Variants in ATXN10 observed in about 807,000 individuals in gnomAD.
ATXN10 encodes ataxin-10.
A neutral mutation model predicts 52.9 loss-of-function variants in ATXN10; 28 were observed. The ratio of observed to expected loss-of-function variants is 0.53; its 90% confidence interval spans 0.39 to 0.73. The LOEUF (loss-of-function observed/expected upper bound fraction) is 0.73. Ranked by LOEUF, ATXN10 falls within the 30% of genes least tolerant of loss-of-function variation. The pLI is 0.00. For missense variants in ATXN10, 565 were observed against 577.0 expected, an observed-to-expected ratio of 0.98 and a Z score of 0.21; for synonymous variants, 226 against 221.5, an observed-to-expected ratio of 1.02 and a Z score of -0.18.
chr22:45,702,347 G>A (rs1397967466), intron 4 of ATXN10, among the ~76,000 whole-genome samples: 1 of 151,982 alleles, frequency 6.6e-6, no homozygotes, highest in Non-Finnish European at 1.5e-5. Context: ...CAGTCATTGA[G>A]GTATCATTTT....
chr22:45,675,925 T>G (rs1458680260), intron 1 of ATXN10: 2 of 152,224 alleles, frequency 1.3e-5, no homozygotes, highest in African/African-American at 4.8e-5. Flanking sequence ...CTGTTTCTTC[T>G]CTGTGTAAGA....
At chr22:45,777,773 G>C (rs1266777995) in intron 9 of ATXN10, among the ~76,000 whole-genome samples, 1 of 152,220 alleles carries the variant, frequency 6.6e-6, no homozygotes, top group Non-Finnish European at 1.5e-5. Context: ...CTAGCTGCCT[G>C]CTGGAGTCAT....
intron 7 of ATXN10, among the ~76,000 whole-genome samples, chr22:45,735,283 T>C (rs759649023): frequency 6.6e-6 from 1 of 151,988 alleles, no homozygotes; most frequent in African/African-American, 2.4e-5. Flanking sequence ...AATAATCTTA[T>C]CCTTTCCACT....
At chr22:45,791,546 AT>A (rs1436505408) in intron 9 of ATXN10, among the ~76,000 whole-genome samples, 24 of 152,282 alleles carry the variant, frequency 1.6e-4, no homozygotes, top group African/African-American at 5.3e-4. Flanking sequence ...GTGATGGTTG[AT>A]ATTATTATGA....
intron 9 of ATXN10, among the ~76,000 whole-genome samples, chr22:45,788,386 A>G (rs1268409593): frequency 6.6e-6 from 1 of 151,190 alleles, no homozygotes; most frequent in African/African-American, 2.4e-5. Flanking sequence ...AGAATCTTCC[A>G]GTTGTTTCTT....
At position 45,681,582 on chromosome 22, in the gene ATXN10, C is replaced by CT. The variant is rs1470204245; in HGVS notation, c.117-8127dup. Among the ~76,000 whole-genome samples the CT allele has an allele frequency of 6.6e-6, 1 of 152,154 alleles. No individual in the cohort carries two copies. Among genetic ancestry groups the CT allele is most frequent in the Non-Finnish European group, 1.5e-5 (1 of 68,032 alleles). ...TCAACTCCACTGCCTCCTCTCTAAA[C>CT]TTTGTTATGTTTGCCTGGTAAAACT... On this transcript the variant is annotated intron_variant, in intron 1 of 11. Coordinates refer to ENST00000252934, the MANE Select transcript of ATXN10 (RefSeq NM_013236.4). This position sits in a 1 kb window ranked among gnomAD's most constrained non-coding sequence, Gnocchi z 4.2.
At chr22:45,739,651 G>A (rs1325656240) in intron 8 of ATXN10, among the ~76,000 whole-genome samples, 8 of 152,202 alleles carry the variant, frequency 5.3e-5, no homozygotes, top group Non-Finnish European at 1.2e-4. Flanking sequence ...GTCGATGTGG[G>A]TTGCCATCCC....
At chr22:45,813,495 A>C (rs1026631801) in intron 10 of ATXN10, among the ~76,000 whole-genome samples, 12 of 150,700 alleles carry the variant, frequency 8.0e-5, no homozygotes, top group Non-Finnish European at 1.8e-4. Context: ...TTGTAAGAAA[A>C]CAAAATTCAC....
chr22:45,746,974 G>A (rs1190023460), intron 9 of ATXN10, among the ~76,000 whole-genome samples: 3 of 152,070 alleles, frequency 2.0e-5, no homozygotes, highest in East Asian at 1.9e-4. Flanking sequence ...CACTTTATTT[G>A]GGTATCACTC....
intron 10 of ATXN10, among the ~76,000 whole-genome samples, chr22:45,836,708 A>G (rs529634876): frequency 1.1e-4 from 17 of 152,240 alleles, no homozygotes; most frequent in Non-Finnish European, 1.8e-4. Context: ...AGAAATTGGC[A>G]TATTTTAAAG....
In ATXN10 at chr22:45,843,799, G is replaced by C; in HGVS notation, c.*128G>C. On this transcript the variant is annotated 3_prime_UTR_variant, in exon 12 of 12. Coordinates refer to ENST00000252934, the MANE Select transcript of ATXN10 (RefSeq NM_013236.4). This position sits in a 1 kb window ranked among gnomAD's most constrained non-coding sequence, Gnocchi z 4.5. ...ATTTGGGAACATACAAATCTTTTAG[G>C]TAGTAGAGTTTAACGTGTATAAGCT... is the stretch of plus-strand genomic sequence containing the variant. The C allele has an allele frequency of 1.1e-6, 1 of 894,472 alleles. No individual in the cohort carries two copies. Among genetic ancestry groups the C allele is most frequent in the South Asian group, 1.5e-5 (1 of 67,952 alleles). The allele number at this position is 894,472 out of a possible 1,614,324, so 55.4% of individuals were successfully genotyped here. A position where few individuals can be genotyped will look rare whatever the true frequency, so the allele number is the denominator to read the frequency against.
intron 5 of ATXN10, among the ~76,000 whole-genome samples, chr22:45,704,519 A>G (rs1309751213): frequency 6.6e-6 from 1 of 152,058 alleles, no homozygotes; most frequent in African/African-American, 2.4e-5. Flanking sequence ...GTTTATTCTA[A>G]GTATTTTATT....
At chr22:45,761,799 T>A (rs1926400663) in intron 9 of ATXN10, among the ~76,000 whole-genome samples, 1 of 152,248 alleles carries the variant, frequency 6.6e-6, no homozygotes, top group African/African-American at 2.4e-5. Flanking sequence ...ATTAAAATTT[T>A]AAAAAATTAG....
rs543787079 is a variant in ATXN10 at position 45,805,032 on chromosome 22, C to T, written c.1174-1927C>T. Among the ~76,000 whole-genome samples the T allele has an allele frequency of 6.6e-6, 1 of 152,334 alleles. No individual in the cohort carries two copies. Among genetic ancestry groups the T allele is most frequent in the South Asian group, 2.1e-4 (1 of 4,828 alleles). Reference sequence around the variant, plus strand: ...CTCACATTCACAGCCATATAGCAGTCTACTGTGTTTGTACCGTAGTTTATG... The same window carrying T: ...CTCACATTCACAGCCATATAGCAGTTTACTGTGTTTGTACCGTAGTTTATG... On this transcript the variant is annotated intron_variant, in intron 9 of 11. Coordinates refer to ENST00000252934, the MANE Select transcript of ATXN10 (RefSeq NM_013236.4). This position sits in a 1 kb window ranked among gnomAD's most constrained non-coding sequence, Gnocchi z 4.4.
At chr22:45,811,973 T>C (rs1425670507) in intron 10 of ATXN10, among the ~76,000 whole-genome samples, 1 of 152,212 alleles carries the variant, frequency 6.6e-6, no homozygotes, top group Non-Finnish European at 1.5e-5. Flanking sequence ...TAAAAGGTCC[T>C]CTTCATTTGT....
At chr22:45,839,054 A>G (rs1454641036) in intron 10 of ATXN10, among the ~76,000 whole-genome samples, 4 of 152,196 alleles carry the variant, frequency 2.6e-5, no homozygotes, top group Non-Finnish European at 5.9e-5. Context: ...TCCTCCTTAA[A>G]CCGGAAGGAA....
At chr22:45,822,051 T>G (rs570351352) in intron 10 of ATXN10, among the ~76,000 whole-genome samples, 4 of 152,342 alleles carry the variant, frequency 2.6e-5, no homozygotes, top group African/African-American at 9.6e-5. Context: ...TCTGGTAGAT[T>G]GGCCGTCTTT....
intron 10 of ATXN10, among the ~76,000 whole-genome samples, chr22:45,831,361 C>G (rs995713571): frequency 5.3e-5 from 8 of 151,778 alleles, no homozygotes; most frequent in Non-Finnish European, 1.0e-4. Context: ...GTTACGTGTA[C>G]CTTACCACAG....
intron 1 of ATXN10, among the ~76,000 whole-genome samples, chr22:45,682,010 G>A (rs1185528726): frequency 6.6e-6 from 1 of 152,124 alleles, no homozygotes; most frequent in Non-Finnish European, 1.5e-5. Context: ...CCTTAAGTTT[G>A]CACTAAATTC....
Sources: gnomAD v4.1 joint callset for allele counts (sites outside exome capture counted in the v4.1 genomes callset) on GRCh38, gnomAD v4.1.1 for gene constraint, Gnocchi (gnomAD v3.1) non-coding constraint, MANE v1.5 for transcripts, NCBI Gene and HGNC (gene_info 2026-07-23, HGNC 2026-07-21) for gene names.